Variants in SZT2 observed in about 807,000 individuals in gnomAD.
The protein encoded by SZT2 is SZT2 subunit of KICSTOR complex.
Under a neutral mutation model 404.2 loss-of-function variants are expected in SZT2, and 216 were observed. The ratio of observed to expected loss-of-function variants is 0.53; its 90% CI spans 0.48 to 0.60. The LOEUF is 0.60. Among genes scored for constraint, SZT2 ranks in the 20% least tolerant of loss-of-function variants. SZT2 has a pLI of 0.00. For missense variants in SZT2, 3,857 were observed against 4,459.2 expected (o/e 0.86, Z 3.85); for synonymous variants, 1,693 against 1,749.9 (o/e 0.97, Z 0.81).
intron 6 of SZT2, 75 bp from the exon 7 acceptor site, chr1:43,416,460 C>T: frequency 4.8e-6 from 6 of 1,248,894 alleles, no homozygotes; most frequent in Non-Finnish European, 5.7e-6. Flanking sequence ...GTTCAGGACC[C>T]TGTCAGTTGG....
intron 1 of SZT2, among the ~76,000 whole-genome samples, chr1:43,401,069 G>A (rs919058146): frequency 2.6e-5 from 4 of 152,026 alleles, no homozygotes; most frequent in Non-Finnish European, 4.4e-5. Context: ...CTACAGGCAC[G>A]AGCCACTACG....
In SZT2 at chr1:43,420,154, C is replaced by A. The variant is rs763817564; in HGVS notation, c.1092C>A (p.Gly364=). Residue 364 remains glycine, a splice_region_variant and synonymous_variant, in exon 9 of 72, where the codon GGC becomes GGA. Transcript: ENST00000634258. The surrounding 1 kb of genome is among the most constrained non-coding windows in gnomAD (Gnocchi z 5.1). ...TCCCCATCTCCACTGGTCTTCCAGG[C>A]TCTCAGCACCGCCTATTTAATGAGC... The part of the protein sequence containing the change: ...GEALNPEYYC[G]SQHRLFNEHL... 1 of 1,598,248 alleles carries A rather than the reference C, an allele frequency of 6.3e-7. No homozygotes were observed. Among genetic ancestry groups the A allele is most frequent in the East Asian group, 2.2e-5 (1 of 44,876 alleles).
chr1:43,416,764 G>A, intron 7 of SZT2, 123 bp downstream of exon 7: 2 of 734,170 alleles, frequency 2.7e-6, no homozygotes, highest in Admixed American at 2.2e-5. Flanking sequence ...TACATGGGGG[G>A]AAGGAGTCAT....
In SZT2 at chr1:43,437,176, G is replaced by C; in HGVS notation, c.6040G>C (p.Ala2014Pro). The C allele has an allele frequency of 6.2e-7, 1 of 1,614,156 alleles. No homozygotes were observed. Among genetic ancestry groups the C allele is most frequent in the Non-Finnish European group, 8.5e-7 (1 of 1,180,038 alleles). Residue 2014 changes from alanine (A) to proline (P), a missense_variant, in exon 43 of 72, where the codon GCT (alanine) becomes CCT (proline). Physicochemically the swap from Ala to Pro is conservative, Grantham distance 27. Coordinates refer to ENST00000634258, the MANE Select transcript of SZT2 (RefSeq NM_001365999.1). The surrounding 1 kb of genome is among the most constrained non-coding windows in gnomAD (Gnocchi z 5.3). ...QRAPLPSDDY[A>P]ADESCAPRGY... ...CCCTGCTCCCCCTCACCCAGATTATGCTGCTGATGAGAGCTGTGCGCCCCG... is the reference window on the plus strand; with the variant it reads ...CCCTGCTCCCCCTCACCCAGATTATCCTGCTGATGAGAGCTGTGCGCCCCG...
chr1:43,451,309 C>G lies in SZT2; in HGVS notation c.*829C>G. 6.2e-7 allele frequency: 1 copy of G among 1,613,902 alleles called. No individual in the cohort carries two copies. The highest frequency in any genetic ancestry group is 8.5e-7 in the Non-Finnish European group (1 of 1,180,016). ...AGCCAACTCAAGCCCTCTACTGTGT[C>G]TCCTGCAGGGAGAGGGAGGCCTCGG... On this transcript the variant is annotated 3_prime_UTR_variant, in exon 72 of 72. Transcript: ENST00000634258.
intron 40 of SZT2, among the ~76,000 whole-genome samples, chr1:43,433,904 A>G (rs773253428): frequency 6.6e-6 from 1 of 152,242 alleles, no homozygotes; most frequent in Non-Finnish European, 1.5e-5. Context: ...TGTCCTTATC[A>G]TATGGGTGAA....
Position 43,443,440 on chromosome 1 carries a change from A to G in SZT2, c.8588A>G (p.His2863Arg), listed in dbSNP as rs756982244. The G allele has an allele frequency of 2.5e-6, 4 of 1,614,176 alleles. No homozygotes were observed. The highest frequency in any genetic ancestry group is 1.6e-4 in the Middle Eastern group (1 of 6,062). ...AMLFDPAAWL[H>R]GPPETSGPPD... ...CTCTTCGACCCAGCTGCCTGGCTGC[A>G]TGGGCCCCCAGAGACCTCTGGACCC... The change falls in exon 61 of 72, where the codon CAT becomes CGT. Residue 2863 changes from histidine (H) to arginine (R), a missense_variant. His to Arg is a conservative substitution (Grantham distance 29, BLOSUM62 0). Transcript: ENST00000634258.
At chr1:43,403,393 AACTC>A in intron 2 of SZT2, 91 bp downstream of exon 2, 1 of 1,520,982 alleles carries the variant, frequency 6.6e-7, no homozygotes, top group Non-Finnish European at 8.8e-7. Flanking sequence ...GTGGGAGACT[AACTC>A]TTAAGTCTGG....
Position 43,446,975 on chromosome 1 carries a change from G to A in SZT2, c.9093G>A (p.Glu3031=). 6.2e-7 allele frequency: 1 copy of A among 1,613,064 alleles called. No individual in the cohort carries two copies. The highest frequency in any genetic ancestry group is 1.1e-5 in the South Asian group (1 of 91,084). The change falls in exon 66 of 72, where the codon GAG becomes GAA. Residue 3031 remains glutamate, a synonymous_variant. Coordinates refer to ENST00000634258, the MANE Select transcript of SZT2 (RefSeq NM_001365999.1). ...VNSQLSMLFT[E]ECDKVRDLMH... ...CCCAGCTGTCCATGCTGTTCACAGAGGAGTGTGACAAGGTGCGGGACCTGA... is the reference window on the plus strand; with the variant it reads ...CCCAGCTGTCCATGCTGTTCACAGAAGAGTGTGACAAGGTGCGGGACCTGA...
In SZT2 at chr1:43,426,998, G is replaced by A; in HGVS notation, c.3310-58G>A. The A allele has an allele frequency of 6.2e-7, 1 of 1,603,532 alleles. No individual in the cohort carries two copies. On this transcript the variant is annotated intron_variant, in intron 23 of 71. Coordinates refer to ENST00000634258, the MANE Select transcript of SZT2 (RefSeq NM_001365999.1). The surrounding 1 kb of genome is among the most constrained non-coding windows in gnomAD (Gnocchi z 4.9). ...TGAGTCAGCTCTAGGGTGGAGGAGG[G>A]GAACAGGGGTTGGACATTCCCTTAT...
rs898727283 is a variant in SZT2 at position 43,439,464 on chromosome 1, T to A, written c.6877+22T>A. On this transcript the variant is annotated intron_variant, in intron 49 of 71. Transcript: ENST00000634258. The surrounding 1 kb of genome is among the most constrained non-coding windows in gnomAD (Gnocchi z 4.2). ...AAAGGTACGGTGCAGGGCACGGGCCTGTGGCACCACCAGGTGAGGGAAAGC... is the reference window on the plus strand; with the variant it reads ...AAAGGTACGGTGCAGGGCACGGGCCAGTGGCACCACCAGGTGAGGGAAAGC... 1 of 1,601,398 alleles carries A rather than the reference T, an allele frequency of 6.2e-7. No individual in the cohort carries two copies. Among genetic ancestry groups the A allele is most frequent in the Non-Finnish European group, 8.5e-7 (1 of 1,172,566 alleles).
chr1:43,412,607 C>T (rs1651204363), intron 4 of SZT2: 1 of 152,156 alleles, frequency 6.6e-6, no homozygotes, highest in Non-Finnish European at 1.5e-5. Flanking sequence ...TGATAATACC[C>T]TGCAAGCACA....
intron 4 of SZT2, among the ~76,000 whole-genome samples, chr1:43,408,023 G>A (rs1181450895): frequency 6.6e-6 from 1 of 151,800 alleles, no homozygotes; most frequent in Non-Finnish European, 1.5e-5. Flanking sequence ...TAGTAGAGAC[G>A]GGGTTTCACA....
Position 43,452,344 on chromosome 1 carries a change from C to A in SZT2, c.*1864C>A. 2 of 1,546,060 alleles carry A rather than the reference C, an allele frequency of 1.3e-6. No homozygotes were observed. Among genetic ancestry groups the A allele is most frequent in the African/African-American group, 1.4e-5 (1 of 73,686 alleles). On this transcript the variant is annotated 3_prime_UTR_variant, in exon 72 of 72. Transcript: ENST00000634258. Reference sequence around the variant, plus strand: ...CCTGTGGGGAAGATGGACTGGAGGCCTTGCCTCCCTTGGCTCTCTCTGCAC... The same window carrying A: ...CCTGTGGGGAAGATGGACTGGAGGCATTGCCTCCCTTGGCTCTCTCTGCAC...
rs1056167117 is a variant in SZT2 at position 43,427,105 on chromosome 1, C to G, written c.3359C>G (p.Pro1120Arg). 1 of 1,614,264 alleles carries G rather than the reference C, an allele frequency of 6.2e-7. No individual in the cohort carries two copies. The highest frequency in any genetic ancestry group is 1.1e-5 in the South Asian group (1 of 91,088). Residue 1120 changes from proline to arginine, a missense_variant, in exon 24 of 72, where the codon CCT becomes CGT. Coordinates refer to ENST00000634258, the MANE Select transcript of SZT2 (RefSeq NM_001365999.1). ...TLKPLISAQP[P>R]QWRCYARLVN... is the part of the protein sequence containing the mutation. Reference sequence around the variant, plus strand: ...AAGCCTCTCATCTCTGCCCAGCCCCCTCAGTGGCGCTGCTATGCAAGGCTT... The same window carrying G: ...AAGCCTCTCATCTCTGCCCAGCCCCGTCAGTGGCGCTGCTATGCAAGGCTT...
intron 1 of SZT2, among the ~76,000 whole-genome samples, chr1:43,390,873 G>A (rs1170861178): frequency 2.0e-5 from 3 of 152,228 alleles, no homozygotes; most frequent in African/African-American, 7.2e-5. Context: ...TGTGTATAAT[G>A]ATAGAAATAG....
chr1:43,451,798 C>G lies in SZT2; in HGVS notation c.*1318C>G. The G allele has an allele frequency of 6.2e-7, 1 of 1,614,062 alleles. No individual in the cohort carries two copies. Among genetic ancestry groups the G allele is most frequent in the Non-Finnish European group, 8.5e-7 (1 of 1,179,950 alleles). ...CTGCGAAGTACCCCCTTCCACTTAC[C>G]ATTTGTAATTGGAGGTTGGGTCTTC... On this transcript the variant is annotated 3_prime_UTR_variant, in exon 72 of 72. Coordinates refer to ENST00000634258, the MANE Select transcript of SZT2 (RefSeq NM_001365999.1).
chr1:43,451,517 C>T lies in SZT2; in HGVS notation c.*1037C>T. ...TCCGGGGCTGCTGGGCTCCCCTCGG[C>T]CTGGGACCTGTGCCACCTGCACATG... is the stretch of plus-strand genomic sequence containing the variant. On this transcript the variant is annotated 3_prime_UTR_variant, in exon 72 of 72. Transcript: ENST00000634258. The T allele has an allele frequency of 1.9e-6, 3 of 1,614,104 alleles. No homozygotes were observed.
Position 43,430,111 on chromosome 1 carries a change from GCT to G in SZT2, c.4401+13_4401+14del. On this transcript the variant is annotated intron_variant, in intron 30 of 71. Coordinates refer to ENST00000634258, the MANE Select transcript of SZT2 (RefSeq NM_001365999.1). ...CCATCCAGCAGGCGAGAAGTGAGTG[GCT>G]CTCTTCCTTACCTCTCTCGTGCCCT... The G allele has an allele frequency of 4.3e-6, 7 of 1,613,806 alleles. No homozygotes were observed. The highest frequency in any genetic ancestry group is 1.3e-5 in the African/African-American group (1 of 75,008).
Sources: allele counts gnomAD v4.1 joint callset (sites outside exome capture counted in the v4.1 genomes callset), GRCh38; gene constraint gnomAD v4.1.1; non-coding constraint Gnocchi (gnomAD v3.1); transcripts MANE v1.5; gene names NCBI Gene and HGNC (gene_info 2026-07-23, HGNC 2026-07-21).